Variants in CSF2RA observed in about 807,000 individuals in gnomAD.
CSF2RA encodes the protein granulocyte-macrophage colony-stimulating factor receptor subunit alpha.
Under a neutral mutation model 51.6 loss-of-function variants are expected in CSF2RA, and 42 were observed. The observed-to-expected ratio is 0.81, with a 90% CI of 0.64 to 1.05. CSF2RA has a LOEUF of 1.05. CSF2RA is among the 50% of genes least tolerant of loss of function. The pLI is 0.00. For synonymous variants in CSF2RA, 222 were observed against 193.0 expected (o/e 1.15, Z -1.24); for missense variants, 530 against 501.1 (o/e 1.06, Z -0.55).
chrX:1,280,928 T>G (rs867796857), intron 2 of CSF2RA, among the ~76,000 whole-genome samples: 390 of 19,482 alleles, frequency 0.02, 8 homozygotes, highest in Non-Finnish European at 0.024. Context: ...TCCTCCTCCT[T>G]CTCCTCCTCC....
At chrX:1,317,165 G>A in the CSF2RA span, among the ~76,000 whole-genome samples, 6 of 150,014 alleles carry the variant, frequency 4.0e-5, no homozygotes, top group Middle Eastern at 3.5e-3. Flanking sequence ...AGCCAGGATG[G>A]TCTCGAACTC....
At chrX:1,310,511 A>G (rs1358519234), downstream of CSF2RA, 1 of 151,760 alleles carries the variant, frequency 6.6e-6, no homozygotes. Flanking sequence ...TACTAAAAAT[A>G]CAAAAAATTA....
At chrX:1,322,099 ATTATTTAT>A in the CSF2RA span, among the ~76,000 whole-genome samples, 12 of 146,742 alleles carry the variant, frequency 8.2e-5, no homozygotes, top group African/African-American at 3.0e-4. Flanking sequence ...ATAACATCCT[ATTATTTAT>A]TTATTTATTT....
At chrX:1,319,714 G>GTTTTTT in the CSF2RA span, among the ~76,000 whole-genome samples, 2 of 121,314 alleles carry the variant, frequency 1.6e-5, no homozygotes, top group Non-Finnish European at 1.8e-5. Context: ...CGCCTTTGCT[G>GTTTTTT]TTTTTTTTTT....
At chrX:1,287,906 T>G (rs776266749) in intron 4 of CSF2RA, among the ~76,000 whole-genome samples, 6 of 141,456 alleles carry the variant, frequency 4.2e-5, no homozygotes, top group Admixed American at 4.2e-4. Context: ...CTGGCTAATT[T>G]TTGTATTTTT....
chrX:1,287,855 G>A lies in CSF2RA; in HGVS notation c.220-664G>A, dbSNP rs1418189383. Among the ~76,000 whole-genome samples, 17 of 138,788 alleles carry A rather than the reference G, an allele frequency of 1.2e-4. 1 individual carries two copies. The allele number at this position is 138,788 out of a possible 152,430, so 91.1% of individuals were successfully genotyped here. A position where few individuals can be genotyped will look rare whatever the true frequency, so the allele number is the denominator to read the frequency against. On this transcript the variant is annotated intron_variant, in intron 4 of 12. Transcript: ENST00000381529. Reference sequence around the variant, plus strand: ...GGGTTCAAGAGAGTCTCCTGCCTCAGCCTCCCGAGTAGCAGGGATTACAGG... The same window carrying A: ...GGGTTCAAGAGAGTCTCCTGCCTCAACCTCCCGAGTAGCAGGGATTACAGG...
intron 4 of CSF2RA, among the ~76,000 whole-genome samples, chrX:1,286,602 A>G (rs2090701372): frequency 6.6e-6 from 1 of 152,250 alleles, no homozygotes; most frequent in Non-Finnish European, 1.5e-5. Context: ...ATTCAATTAA[A>G]TAAAAGCGAG....
chrX:1,294,592 G>A, intron 8 of CSF2RA, 131 bp downstream of exon 8: 1 of 1,226,232 alleles, frequency 8.2e-7, no homozygotes, highest in Non-Finnish European at 1.2e-6. Flanking sequence ...ACTCTGGGGT[G>A]AACGCACTTC....
At chrX:1,300,258 C>CCT in intron 9 of CSF2RA, 1 of 542,834 alleles carries the variant, frequency 1.8e-6, no homozygotes, top group East Asian at 3.1e-5. Flanking sequence ...AAGCTTAAAG[C>CCT]CTACATCACC....
At position 1,284,195 on chromosome X, in the gene CSF2RA, C is replaced by CTCT. The variant is rs1443798206; in HGVS notation, c.76+1417_76+1418insCTT. Reference sequence around the variant, plus strand: ...CAAGCGGTTTTCTTTCTCTGTCTCTCTTTTTTTTTTTTTTTTTTTTTTTTT... The same window carrying CTCT: ...CAAGCGGTTTTCTTTCTCTGTCTCTCTCTTTTTTTTTTTTTTTTTTTTTTTTTT... On this transcript the variant is annotated intron_variant, in intron 3 of 12. Coordinates refer to ENST00000381529, the MANE Select transcript of CSF2RA (RefSeq NM_172245.4). Among the ~76,000 whole-genome samples the CTCT allele has an allele frequency of 5.2e-4, 48 of 91,784 alleles. 3 individuals are homozygous for CTCT. The highest frequency in any genetic ancestry group is 1.6e-3 in the African/African-American group (40 of 25,410). 60.2% of individuals were successfully genotyped at this position (91,784 alleles called of 152,430 possible). A position where few individuals can be genotyped will look rare whatever the true frequency, so the allele number is the denominator to read the frequency against.
At chrX:1,285,981 C>G in intron 4 of CSF2RA, 61 bp downstream of exon 4, 1 of 1,609,078 alleles carries the variant, frequency 6.2e-7, no homozygotes, top group Non-Finnish European at 8.5e-7. Context: ...GAGTTAAAAG[C>G]AACAGGGCCG....
At chrX:1,317,246 C>CTTTTTT in the CSF2RA span, among the ~76,000 whole-genome samples, 124 of 57,798 alleles carry the variant, frequency 2.1e-3, 3 homozygotes, top group African/African-American at 6.6e-3. Flanking sequence ...CCACGCTCAG[C>CTTTTTT]TTTTTTTTTT....
intron 3 of CSF2RA, among the ~76,000 whole-genome samples, chrX:1,283,770 A>C (rs1430036676): frequency 1.3e-5 from 2 of 151,702 alleles, no homozygotes; most frequent in Non-Finnish European, 2.9e-5. Flanking sequence ...GGGTTTTGTC[A>C]TGTTGGCCAG....
At chrX:1,323,815 C>G in the CSF2RA span, among the ~76,000 whole-genome samples, 2 of 151,306 alleles carry the variant, frequency 1.3e-5, no homozygotes, top group African/African-American at 2.4e-5. Context: ...GAGATCGAAA[C>G]CATCCTGGCT....
At chrX:1,313,860 C>G (rs1388646473), downstream of CSF2RA, among the ~76,000 whole-genome samples, 2 of 150,100 alleles carry the variant, frequency 1.3e-5, no homozygotes, top group African/African-American at 4.9e-5. Context: ...TGTGGTGGCA[C>G]CTGTAATTGC....
chrX:1,301,914 T>C (rs1334506431), intron 10 of CSF2RA, among the ~76,000 whole-genome samples: 2 of 63,944 alleles, frequency 3.1e-5, no homozygotes, highest in East Asian at 7.0e-4. Context: ...CCCTCCCTCT[T>C]TTTTTTTTTT....
Position 1,294,109 on chromosome X carries a change from G to C in CSF2RA, c.647-219G>C, listed in dbSNP as rs188178314. ...CCTGCCCCACCTCTACCTGGACCCA[G>C]TGTAGACAGGAGGAGACCCTGCCCC... On this transcript the variant is annotated intron_variant, in intron 7 of 12. Transcript: ENST00000381529. The C allele has an allele frequency of 4.4e-5, 28 of 635,924 alleles. No homozygotes were observed. In the African/African-American group the frequency reaches 5.0e-4, roughly 11 times the overall value. 39.4% of individuals were successfully genotyped at this position (635,924 alleles called of 1,614,324 possible). A position where few individuals can be genotyped will look rare whatever the true frequency, so the allele number is the denominator to read the frequency against.
At chrX:1,314,527 C>T (rs868700471), downstream of CSF2RA, among the ~76,000 whole-genome samples, 5 of 106,754 alleles carry the variant, frequency 4.7e-5, no homozygotes, top group African/African-American at 1.1e-4. Flanking sequence ...CCTGCCCAAT[C>T]CCACTGCACC....
At chrX:1,305,138 CA>C (rs2083432652) in intron 11 of CSF2RA, among the ~76,000 whole-genome samples, 1 of 151,476 alleles carries the variant, frequency 6.6e-6, no homozygotes, top group South Asian at 2.1e-4. Flanking sequence ...GGATTACAGG[CA>C]AGCACCACGA....
Sources: allele counts gnomAD v4.1 joint callset (sites outside exome capture counted in the v4.1 genomes callset), GRCh38; gene constraint gnomAD v4.1.1; transcripts MANE v1.5; gene names NCBI Gene and HGNC (gene_info 2026-07-23, HGNC 2026-07-21).